TOX2: variants seen among roughly 807,000 people sequenced by gnomAD.
TOX2 encodes granulosa cell HMG box 1.
Under a neutral mutation model 47.4 loss-of-function variants are expected in TOX2, and 15 were observed. The ratio of observed to expected loss-of-function variants is 0.32; its 90% CI spans 0.21 to 0.49. TOX2 has a LOEUF of 0.49. Ranked by LOEUF, TOX2 falls within the 20% of genes least tolerant of loss-of-function variation. The pLI, the probability that TOX2 is intolerant of heterozygous loss-of-function variation, is 0.99. For missense variants in TOX2, 622 were observed against 673.1 expected (o/e 0.92, Z 0.84); for synonymous variants, 290 against 296.6 (o/e 0.98, Z 0.23).
rs764568881 is a variant in TOX2, at chr20:44,068,763, C to T, written c.*77C>T. On this transcript the variant is annotated 3_prime_UTR_variant, in exon 9 of 9. Coordinates refer to ENST00000341197, the MANE Select transcript of TOX2 (RefSeq NM_001098797.2). ...TGAAGGGCTGACAGCAGAAAAGAGG[C>T]CCTGGCCAGAGGCAGGGTGGCCCAT... The T allele has an allele frequency of 1.3e-6, 2 of 1,593,348 alleles. No individual in the cohort carries two copies. Among genetic ancestry groups the T allele is most frequent in the South Asian group, 2.2e-5 (2 of 89,392 alleles).
intron 4 of TOX2, among the ~76,000 whole-genome samples, chr20:44,052,042 T>C (rs2071521605): frequency 6.6e-6 from 1 of 152,214 alleles, no homozygotes; most frequent in Non-Finnish European, 1.5e-5. Flanking sequence ...AGCAAGGCCA[T>C]CGGGGTCACA....
chr20:43,985,744 G>T (rs1190795941), intron 2 of TOX2, among the ~76,000 whole-genome samples: 1 of 152,210 alleles, frequency 6.6e-6, no homozygotes, highest in Non-Finnish European at 1.5e-5. Flanking sequence ...TCAGGCCAGT[G>T]ATGCAGGCCT....
intron 2 of TOX2, among the ~76,000 whole-genome samples, chr20:43,975,056 A>C (rs1600699421): frequency 6.6e-6 from 1 of 152,398 alleles, no homozygotes; most frequent in East Asian, 1.9e-4. Context: ...TCATCTCAGC[A>C]GACCAGAGTT....
intron 5 of TOX2, among the ~76,000 whole-genome samples, chr20:44,057,647 A>C (rs1184003459): frequency 2.0e-5 from 3 of 152,236 alleles, no homozygotes; most frequent in African/African-American, 7.2e-5. Context: ...TGACACTAAA[A>C]CATAATGAAG....
intron 1 of TOX2, among the ~76,000 whole-genome samples, chr20:43,935,760 T>C (rs751616909): frequency 1.3e-4 from 19 of 151,764 alleles, no homozygotes; most frequent in Non-Finnish European, 2.7e-4. Flanking sequence ...ACCCTGTCTC[T>C]CCTGAAAATA....
At chr20:43,918,309 A>G (rs1249555840) in intron 1 of TOX2, among the ~76,000 whole-genome samples, 3 of 152,112 alleles carry the variant, frequency 2.0e-5, no homozygotes, top group Non-Finnish European at 4.4e-5. Flanking sequence ...TTTTTAGCTC[A>G]TTTTTTACTG....
intron 3 of TOX2, among the ~76,000 whole-genome samples, chr20:44,011,128 G>T (rs2070772316): frequency 6.6e-6 from 1 of 152,110 alleles, no homozygotes; most frequent in Non-Finnish European, 1.5e-5. Flanking sequence ...AGGGCATTTG[G>T]GGATAATCTA....
In TOX2 at chr20:43,915,003, G is replaced by A. The variant is rs2069040232; in HGVS notation, c.99+13G>A. Reference sequence around the variant, plus strand: ...CCACGGCGGCAAGGTAGGCGGGGGCGGGCGGGGGTCCCCGGCGGGCGGGGC... The same window carrying A: ...CCACGGCGGCAAGGTAGGCGGGGGCAGGCGGGGGTCCCCGGCGGGCGGGGC... On this transcript the variant is annotated intron_variant, in intron 1 of 8. Coordinates refer to ENST00000341197, the MANE Select transcript of TOX2 (RefSeq NM_001098797.2). The surrounding 1 kb of genome is among the most constrained non-coding windows in gnomAD (Gnocchi z 7.1). The A allele has an allele frequency of 4.8e-6, 6 of 1,237,132 alleles. No individual in the cohort carries two copies. The highest frequency in any genetic ancestry group is 3.5e-5 in the East Asian group (1 of 28,534). The allele number at this position is 1,237,132 out of a possible 1,614,324, so 76.6% of individuals were successfully genotyped here.
intron 1 of TOX2, among the ~76,000 whole-genome samples, chr20:43,935,168 C>G (rs985171727): frequency 3.3e-5 from 5 of 152,198 alleles, no homozygotes; most frequent in Middle Eastern, 6.8e-3. Context: ...GCGTCAGGAC[C>G]TTGTGGGGAG....
intron 5 of TOX2, among the ~76,000 whole-genome samples, chr20:44,063,238 C>T (rs1408213117): frequency 4.6e-5 from 7 of 151,988 alleles, no homozygotes; most frequent in Admixed American, 2.0e-4. Context: ...TCTATACTTT[C>T]GACAAAGGAC....
At chr20:43,959,921 C>A (rs1225410864) in intron 1 of TOX2, among the ~76,000 whole-genome samples, 1 of 152,164 alleles carries the variant, frequency 6.6e-6, no homozygotes, top group Non-Finnish European at 1.5e-5. Context: ...CGGGGCAAGA[C>A]CTGGCAGGAG....
At chr20:43,933,087 G>C (rs1437153774) in intron 1 of TOX2, among the ~76,000 whole-genome samples, 1 of 152,206 alleles carries the variant, frequency 6.6e-6, no homozygotes, top group African/African-American at 2.4e-5. Context: ...CAACAGAAGG[G>C]TGAGAAGCTT....
chr20:43,976,325 G>A (rs1423827731), intron 2 of TOX2, among the ~76,000 whole-genome samples: 1 of 152,326 alleles, frequency 6.6e-6, no homozygotes, highest in Admixed American at 6.5e-5. Context: ...GGTATGGGAG[G>A]CTCACCTGTG....
rs1201722856 is a variant in TOX2 at position 44,006,702 on chromosome 20, C to T, written c.321C>T (p.Ala107=). ...TCACCCCCAACGGTCTGCTCCCTGC[C>T]TACTCCTATCAGGCCATGGACCTCC... ...HGLTPNGLLP[A]YSYQAMDLPA... is the part of the protein sequence containing the mutation. The change falls in exon 3 of 9, where the codon GCC becomes GCT. Residue 107 remains alanine, a synonymous_variant. Coordinates refer to ENST00000341197, the MANE Select transcript of TOX2 (RefSeq NM_001098797.2). 1 of 1,614,150 alleles carries T rather than the reference C, an allele frequency of 6.2e-7. No homozygotes were observed. The highest frequency in any genetic ancestry group is 1.1e-5 in the South Asian group (1 of 91,084).
At chr20:43,991,991 T>C (rs1415411928) in intron 2 of TOX2, among the ~76,000 whole-genome samples, 1 of 152,116 alleles carries the variant, frequency 6.6e-6, no homozygotes, top group African/African-American at 2.4e-5. Context: ...AAAAGTTCTG[T>C]GGGGAAACTG....
intron 7 of TOX2, among the ~76,000 whole-genome samples, chr20:44,066,377 C>T (rs1330103245): frequency 6.6e-6 from 1 of 152,200 alleles, no homozygotes; most frequent in Non-Finnish European, 1.5e-5. Flanking sequence ...CTAGCCCTGG[C>T]CCTTCCCAAA....
intron 3 of TOX2, among the ~76,000 whole-genome samples, chr20:44,025,879 T>G (rs1160007734): frequency 6.6e-6 from 1 of 151,880 alleles, no homozygotes; most frequent in African/African-American, 2.4e-5. Flanking sequence ...TCATAGCGCC[T>G]GCCTCAGAGG....
intron 2 of TOX2, among the ~76,000 whole-genome samples, chr20:44,000,544 A>C (rs2070558734): frequency 6.6e-6 from 1 of 152,054 alleles, no homozygotes; most frequent in African/African-American, 2.4e-5. Flanking sequence ...GGGAAGGACA[A>C]ATAACAGTGG....
intron 1 of TOX2, among the ~76,000 whole-genome samples, chr20:43,963,765 G>A (rs1226020424): frequency 6.6e-6 from 1 of 152,168 alleles, no homozygotes; most frequent in Non-Finnish European, 1.5e-5. Context: ...AATCGGCCCT[G>A]GCAGTTGGAC....
Sources: allele counts gnomAD v4.1 joint callset (sites outside exome capture counted in the v4.1 genomes callset), GRCh38; gene constraint gnomAD v4.1.1; non-coding constraint Gnocchi (gnomAD v3.1); transcripts MANE v1.5; gene names NCBI Gene and HGNC (gene_info 2026-07-23, HGNC 2026-07-21).